The following SLC9A1 variants were observed in gnomAD, a reference collection of about 807,000 sequenced individuals.
SLC9A1 encodes the protein solute carrier family 9 member A1.
In SLC9A1, 22 loss-of-function variants were observed where a neutral mutation model predicts 67.9. That is an observed-to-expected ratio of 0.32 (90% CI 0.23 to 0.46). The LOEUF is 0.46. Ranked by LOEUF, SLC9A1 falls within the 20% of genes least tolerant of loss-of-function variation. The pLI is 1.00. For synonymous variants in SLC9A1, 421 were observed against 471.8 expected, an observed-to-expected ratio of 0.89 and a Z score of 1.40; for missense variants, 686 against 1,094.8, an observed-to-expected ratio of 0.63 and a Z score of 5.27.
At chr1:27,131,485 G>A (rs2083384063) in intron 1 of SLC9A1, among the ~76,000 whole-genome samples, 1 of 147,168 alleles carries the variant, frequency 6.8e-6, no homozygotes, top group African/African-American at 2.5e-5. Flanking sequence ...CACGGTGGCT[G>A]ATGCCTGTAA....
At chr1:27,141,343 G>C (rs1168785420) in intron 1 of SLC9A1, among the ~76,000 whole-genome samples, 2 of 152,152 alleles carry the variant, frequency 1.3e-5, no homozygotes, top group Non-Finnish European at 2.9e-5. Flanking sequence ...CATGCCTGTG[G>C]GCATGTTTCC....
Position 27,106,680 on chromosome 1 carries a change from G to C in SLC9A1, c.1283-593C>G, listed in dbSNP as rs2083187009. On this transcript the variant is annotated intron_variant, in intron 4 of 11. Coordinates refer to ENST00000263980, the MANE Select transcript of SLC9A1 (RefSeq NM_003047.5). This position sits in a 1 kb window ranked among gnomAD's most constrained non-coding sequence, Gnocchi z 4.3. ...TGAGGCACTGGGGTGAGGCATGTGG[G>C]GCACATGTGAGTGGAACCCATGCAC... Among the ~76,000 whole-genome samples, 1 of 152,062 alleles carries C rather than the reference G, an allele frequency of 6.6e-6. No homozygotes were observed. Among genetic ancestry groups the C allele is most frequent in the Admixed American group, 6.5e-5 (1 of 15,276 alleles).
At chr1:27,146,549 A>C (rs760005016) in intron 1 of SLC9A1, among the ~76,000 whole-genome samples, 2 of 152,214 alleles carry the variant, frequency 1.3e-5, no homozygotes, top group Non-Finnish European at 1.5e-5. Flanking sequence ...AAGTCAGACA[A>C]ATCTGGGCTT....
At chr1:27,124,666 G>A (rs2083328348) in intron 1 of SLC9A1, among the ~76,000 whole-genome samples, 1 of 152,186 alleles carries the variant, frequency 6.6e-6, no homozygotes, top group South Asian at 2.1e-4. Context: ...GAGGCAACTG[G>A]GGCCCCTTCT....
At chr1:27,140,031 G>GATCC (rs1365143547) in intron 1 of SLC9A1, among the ~76,000 whole-genome samples, 2 of 151,938 alleles carry the variant, frequency 1.3e-5, no homozygotes, top group Admixed American at 6.6e-5. Flanking sequence ...GACCTCAAGT[G>GATCC]ATCCGCCCAT....
Position 27,124,834 on chromosome 1 carries a change from G to A in SLC9A1, c.353-10548C>T, listed in dbSNP as rs141432315. Among the ~76,000 whole-genome samples, 178 of 152,248 alleles carry A rather than the reference G, an allele frequency of 1.2e-3. 1 individual carries two copies. Among genetic ancestry groups the A allele is most frequent in the Non-Finnish European group, 2.1e-3 (146 of 68,016 alleles). On this transcript the variant is annotated intron_variant, in intron 1 of 11. Coordinates refer to ENST00000263980, the MANE Select transcript of SLC9A1 (RefSeq NM_003047.5). ...GATCAGTGAGAGAAAATGACTCTCAGGGGACAGAGCCTGGAGTAGGGCAGA... is the reference window on the plus strand; with the variant it reads ...GATCAGTGAGAGAAAATGACTCTCAAGGGACAGAGCCTGGAGTAGGGCAGA...
At chr1:27,107,087 C>T (rs1278887291) in intron 4 of SLC9A1, among the ~76,000 whole-genome samples, 1 of 150,440 alleles carries the variant, frequency 6.6e-6, no homozygotes, top group Admixed American at 6.6e-5. Context: ...CACACATATA[C>T]CCCCAGCCCC....
Position 27,154,262 on chromosome 1 carries a change from A to G in SLC9A1, c.73T>C (p.Leu25=). Residue 25 remains leucine, a synonymous_variant, in exon 1 of 12, where the codon TTG becomes CTG. Transcript: ENST00000263980. ...CTGAGAACAGGCAGCAGCCCCACCA[A>G]AGCAACCACCACGAGTAAGGAAGGG... ...IFPSLLVVVA[L]VGLLPVLRSH... is the part of the protein sequence containing the mutation. The G allele has an allele frequency of 6.2e-7, 1 of 1,613,708 alleles. No homozygotes were observed. Among genetic ancestry groups the G allele is most frequent in the Non-Finnish European group, 8.5e-7 (1 of 1,179,808 alleles).
chr1:27,144,537 G>A (rs2083470361), intron 1 of SLC9A1, among the ~76,000 whole-genome samples: 1 of 149,944 alleles, frequency 6.7e-6, no homozygotes, highest in Admixed American at 6.6e-5. Context: ...TGGCAGTCTG[G>A]TGCCAAGGAG....
chr1:27,122,991 T>C (rs1016784548), intron 1 of SLC9A1, among the ~76,000 whole-genome samples: 1 of 150,444 alleles, frequency 6.6e-6, no homozygotes, highest in Non-Finnish European at 1.5e-5. Flanking sequence ...GGGGAGGGGG[T>C]TACCTGGGGA....
At chr1:27,146,568 A>G (rs867864758) in intron 1 of SLC9A1, among the ~76,000 whole-genome samples, 2 of 152,198 alleles carry the variant, frequency 1.3e-5, no homozygotes, top group Admixed American at 6.5e-5. Context: ...TTAAACCCCA[A>G]TGTTTTCTAG....
Position 27,154,359 on chromosome 1 carries a change from G to A in SLC9A1, c.-25C>T, listed in dbSNP as rs1370418950. ...TGGTGCTGCTTCCAGAGCCAGCCTC[G>A]ACCTTACCCAAATGAGAGTAAAACC... On this transcript the variant is annotated 5_prime_UTR_variant, in exon 1 of 12. Transcript: ENST00000263980. 3 of 1,499,756 alleles carry A rather than the reference G, an allele frequency of 2.0e-6. No individual in the cohort carries two copies. Among genetic ancestry groups the A allele is most frequent in the Non-Finnish European group, 2.7e-6 (3 of 1,106,086 alleles). The allele number at this position is 1,499,756 out of a possible 1,614,324, so 92.9% of individuals were successfully genotyped here. A position where few individuals can be genotyped will look rare whatever the true frequency, so the allele number is the denominator to read the frequency against.
Position 27,101,878 on chromosome 1 carries a change from TG to T in SLC9A1, c.1936-53del. The T allele has an allele frequency of 6.7e-7, 1 of 1,483,702 alleles. No homozygotes were observed. The highest frequency in any genetic ancestry group is 9.4e-7 in the Non-Finnish European group (1 of 1,067,256). The allele number at this position is 1,483,702 out of a possible 1,614,324, so 91.9% of individuals were successfully genotyped here. On this transcript the variant is annotated intron_variant, in intron 9 of 11. Transcript: ENST00000263980. The surrounding 1 kb of genome is among the most constrained non-coding windows in gnomAD (Gnocchi z 4.9). ...TGCGGGCCCCGGAAGGCTCTGCTCATGGAGGGGTGGGGGCAGTGCTGGAGGC... is the reference window on the plus strand; with the variant it reads ...TGCGGGCCCCGGAAGGCTCTGCTCATGAGGGGTGGGGGCAGTGCTGGAGGC...
Position 27,101,731 on chromosome 1 carries a change from C to T in SLC9A1, c.2031G>A (p.Glu677=), listed in dbSNP as rs2083146343. 1.9e-6 allele frequency: 3 copies of T among 1,610,230 alleles called. No homozygotes were observed. The highest frequency in any genetic ancestry group is 1.3e-5 in the African/African-American group (1 of 75,012). The change falls in exon 10 of 12, where the codon GAG becomes GAA. Residue 677 remains glutamate (E), a synonymous_variant. Transcript: ENST00000263980. This position sits in a 1 kb window ranked among gnomAD's most constrained non-coding sequence, Gnocchi z 4.9. ...AGAGGAAGGCAGAGGCTACCTTCTG[C>T]TCCAGCTGCCGGGCCTTCTGCCTCC... The part of the protein sequence containing the change: ...LLRRQKARQL[E]QKINNYLTVP...
chr1:27,108,720 T>C (rs2083207165), intron 3 of SLC9A1, among the ~76,000 whole-genome samples: 1 of 152,098 alleles, frequency 6.6e-6, no homozygotes, highest in Non-Finnish European at 1.5e-5. Flanking sequence ...ACCTCTCCCC[T>C]GTCACGCTGC....
In SLC9A1 at chr1:27,116,584, C is replaced by T. The variant is rs143259829; in HGVS notation, c.353-2298G>A. On this transcript the variant is annotated intron_variant, in intron 1 of 11. Coordinates refer to ENST00000263980, the MANE Select transcript of SLC9A1 (RefSeq NM_003047.5). ...AGTCACTTTTTGTTCATCTACTTCC[C>T]ACATCAATAAAAGGGAAAATAATTC... 4.8e-4 allele frequency among the ~76,000 whole-genome samples: 73 copies of T among 152,304 alleles called. 1 individual carries two copies. The East Asian group carries it at 0.014, about 28-fold the overall frequency.
chr1:27,145,240 C>T (rs950547210), intron 1 of SLC9A1, among the ~76,000 whole-genome samples: 3 of 152,214 alleles, frequency 2.0e-5, no homozygotes, highest in Non-Finnish European at 4.4e-5. Flanking sequence ...CTAAACACCC[C>T]AGTCCTCAGG....
chr1:27,105,795 G>A (rs745449236), intron 5 of SLC9A1, 90 bp downstream of exon 5: 22 of 1,144,092 alleles, frequency 1.9e-5, no homozygotes, highest in South Asian at 1.9e-4. Flanking sequence ...GACTAGAATC[G>A]CATTTCAAAT....
At chr1:27,135,463 T>C (rs2083414051) in intron 1 of SLC9A1, among the ~76,000 whole-genome samples, 1 of 151,434 alleles carries the variant, frequency 6.6e-6, no homozygotes, top group East Asian at 1.9e-4. Flanking sequence ...ATAACTTGCA[T>C]TTTTCTTCTT....
Sources: gnomAD v4.1 joint callset for allele counts (sites outside exome capture counted in the v4.1 genomes callset) on GRCh38, gnomAD v4.1.1 for gene constraint, Gnocchi (gnomAD v3.1) non-coding constraint, MANE v1.5 for transcripts, NCBI Gene and HGNC (gene_info 2026-07-23, HGNC 2026-07-21) for gene names.